The following TNNI3K variants were observed in gnomAD, a reference collection of about 807,000 sequenced individuals.
The protein encoded by TNNI3K is TNNI3 interacting kinase, also known as serine/threonine-protein kinase TNNI3K.
Under a neutral mutation model 114.5 loss-of-function variants are expected in TNNI3K, and 140 were observed. The ratio of observed to expected loss-of-function variants is 1.22; its 90% CI spans 1.07 to 1.41. The LOEUF is 1.41. Ranked by LOEUF, TNNI3K falls within the 40% of genes most tolerant of loss-of-function variation. The pLI, the probability that TNNI3K is intolerant of heterozygous loss-of-function variation, is 0.00. For missense variants in TNNI3K, 1,125 were observed against 1,007.6 expected, an observed-to-expected ratio of 1.12 and a Z score of -1.58; for synonymous variants, 347 against 347.5, an observed-to-expected ratio of 1.00 and a Z score of 0.02.
Position 74,250,752 on chromosome 1 carries a change from C to G in TNNI3K, c.316C>G (p.His106Asp), listed in dbSNP as rs142238660. The part of the protein sequence containing the change: ...RLTRNGFTAL[H>D]LAVYKDNAEL... ...GACAAGAAATGGATTTACAGCCTTGCATTTAGCAGTTTACAAGGTAGGACA... is the reference window on the plus strand; with the variant it reads ...GACAAGAAATGGATTTACAGCCTTGGATTTAGCAGTTTACAAGGTAGGACA... The change falls in exon 4 of 25, where the codon CAT becomes GAT. Residue 106 changes from histidine (H) to aspartate (D), a missense_variant. Physicochemically the swap from His to Asp is moderately conservative, Grantham distance 81 (BLOSUM62 -1). Transcript: ENST00000326637. 109 of 1,611,676 alleles carry G rather than the reference C, an allele frequency of 6.8e-5. 1 individual carries two copies. The East Asian group carries it at 2.4e-3, about 36-fold the overall frequency.
intron 3 of TNNI3K, 84 bp downstream of exon 3, chr1:74,249,628 G>C (rs1039035657): frequency 1.5e-6 from 2 of 1,341,642 alleles, no homozygotes; most frequent in African/African-American, 3.0e-5. Context: ...GTCTGCAAAA[G>C]AATTCTATTC....
At chr1:74,358,186 T>C (rs376749813) in intron 11 of TNNI3K, among the ~76,000 whole-genome samples, 9 of 152,170 alleles carry the variant, frequency 5.9e-5, no homozygotes, top group African/African-American at 2.2e-4. Flanking sequence ...AAACTTCTTA[T>C]TCGTTTCAGT....
chr1:74,241,768 C>T (rs1266916589), intron 2 of TNNI3K, among the ~76,000 whole-genome samples: 2 of 151,562 alleles, frequency 1.3e-5, no homozygotes, highest in Non-Finnish European at 2.9e-5. Flanking sequence ...TGTGCAGAAG[C>T]TCTTTAGTTT....
chr1:74,367,918 TG>T lies in TNNI3K; in HGVS notation c.1276del (p.Val426CysfsTer13), dbSNP rs1219364269. 7 of 1,577,226 alleles carry T rather than the reference TG, an allele frequency of 4.4e-6. No homozygotes were observed. Among genetic ancestry groups the T allele is most frequent in the African/African-American group, 1.4e-5 (1 of 72,004 alleles). The stretch of plus-strand genomic sequence containing the variant: ...TAATTTAATTTCTAGATGGCTCCTA[TG>T]TGTCTGTTCCATCACCCTTGGGGAA... ...YSQPGGDGSYVSVPSPLGKIK... is the reference protein window; with the variant it reads ...YSQPGGDGSYXSVPSPLGKIK... On this transcript the variant is annotated frameshift_variant, in exon 13 of 25. Transcript: ENST00000326637. LOFTEE classifies it high-confidence loss of function.
At chr1:74,360,290 A>T (rs1661890940) in intron 11 of TNNI3K, among the ~76,000 whole-genome samples, 1 of 151,928 alleles carries the variant, frequency 6.6e-6, no homozygotes. Flanking sequence ...ATATACTGTC[A>T]CCCATAAGAA....
At chr1:74,534,351 C>T (rs754849187) in intron 23 of TNNI3K, among the ~76,000 whole-genome samples, 6 of 152,170 alleles carry the variant, frequency 3.9e-5, no homozygotes, top group African/African-American at 1.2e-4. Flanking sequence ...ACTGCATACC[C>T]ATCTGAAGTC....
intron 17 of TNNI3K, among the ~76,000 whole-genome samples, chr1:74,383,059 CTCTT>C (rs1009297896): frequency 6.6e-5 from 10 of 151,126 alleles, no homozygotes; most frequent in African/African-American, 2.5e-4. Context: ...CGAATTCTTT[CTCTT>C]TCTTTAATTT....
At chr1:74,452,902 G>A (rs1452974010) in intron 20 of TNNI3K, among the ~76,000 whole-genome samples, 3 of 152,026 alleles carry the variant, frequency 2.0e-5, no homozygotes, top group Non-Finnish European at 4.4e-5. Flanking sequence ...TAGTCTCTTT[G>A]TCAGAGACAC....
chr1:74,457,529 C>A (rs533081804), intron 20 of TNNI3K, among the ~76,000 whole-genome samples: 2 of 152,282 alleles, frequency 1.3e-5, no homozygotes, highest in South Asian at 4.1e-4. Context: ...TGCTTTGTCT[C>A]ACCGCAGCCC....
At chr1:74,512,052 C>G (rs185996908) in intron 23 of TNNI3K, among the ~76,000 whole-genome samples, 1 of 152,184 alleles carries the variant, frequency 6.6e-6, no homozygotes, top group Non-Finnish European at 1.5e-5. Flanking sequence ...CTTCCAGTCA[C>G]TGAGACCTCA....
intron 21 of TNNI3K, among the ~76,000 whole-genome samples, chr1:74,478,879 C>T (rs1196088651): frequency 2.0e-5 from 3 of 152,156 alleles, no homozygotes; most frequent in African/African-American, 7.2e-5. Context: ...TATTTCTTAG[C>T]ACATACAATT....
At chr1:74,372,011 G>A (rs1009699916) in intron 17 of TNNI3K, 3 of 149,620 alleles carry the variant, frequency 2.0e-5, no homozygotes, top group Non-Finnish European at 4.4e-5. Flanking sequence ...CTCAAAGCTT[G>A]AGGATCATTA....
chr1:74,530,669 A>G (rs1013839074), intron 23 of TNNI3K, among the ~76,000 whole-genome samples: 6 of 152,054 alleles, frequency 3.9e-5, no homozygotes, highest in African/African-American at 1.4e-4. Context: ...AGGTGGGAAA[A>G]TGAGGAAGTG....
intron 17 of TNNI3K, among the ~76,000 whole-genome samples, chr1:74,404,567 C>T (rs187444528): frequency 3.6e-4 from 55 of 152,198 alleles, no homozygotes; most frequent in Non-Finnish European, 4.4e-4. Context: ...GGACTTCACT[C>T]CTGAGTTTCT....
At chr1:74,350,308 C>A (rs572011226) in intron 9 of TNNI3K, among the ~76,000 whole-genome samples, 1 of 151,972 alleles carries the variant, frequency 6.6e-6, no homozygotes, top group African/African-American at 2.4e-5. Flanking sequence ...ATCCTGAGTT[C>A]TAGTTTGCAC....
At chr1:74,483,200 G>A in intron 21 of TNNI3K, 1 of 708,928 alleles carries the variant, frequency 1.4e-6, no homozygotes, top group Admixed American at 2.0e-5. Context: ...ACAATGAAAG[G>A]TATGGCAACC....
chr1:74,434,915 G>A (rs1030162123), intron 17 of TNNI3K, among the ~76,000 whole-genome samples: 1 of 151,972 alleles, frequency 6.6e-6, no homozygotes, highest in African/African-American at 2.4e-5. Context: ...ATTATATAAA[G>A]TGATTCAATA....
intron 17 of TNNI3K, among the ~76,000 whole-genome samples, chr1:74,427,846 A>T (rs1468113765): frequency 6.6e-6 from 1 of 152,110 alleles, no homozygotes; most frequent in Non-Finnish European, 1.5e-5. Context: ...CCTCAGAATC[A>T]ATAGCATGCA....
rs183979087 is a variant in TNNI3K at position 74,273,431 on chromosome 1, G to A, written c.444+1723G>A. On this transcript the variant is annotated intron_variant, in intron 5 of 24. Transcript: ENST00000326637. ...GAGTGGTAAACATTAAGGGATCTGGGTGAAATAATTTATGAGTTAGACACT... is the reference window on the plus strand; with the variant it reads ...GAGTGGTAAACATTAAGGGATCTGGATGAAATAATTTATGAGTTAGACACT... Among the ~76,000 whole-genome samples the A allele has an allele frequency of 2.4e-3, 366 of 152,042 alleles. 4 individuals carry two copies. The highest frequency in any genetic ancestry group is 0.014 in the Middle Eastern group (4 of 292).
Sources: gnomAD v4.1 joint callset for allele counts (sites outside exome capture counted in the v4.1 genomes callset) on GRCh38, gnomAD v4.1.1 for gene constraint, MANE v1.5 for transcripts, NCBI Gene and HGNC (gene_info 2026-07-23, HGNC 2026-07-21) for gene names.